The following PTPRM variants were observed in gnomAD, a reference collection of about 807,000 sequenced individuals.
PTPRM encodes receptor-type tyrosine-protein phosphatase mu.
PTPRM carries 47 observed loss-of-function variants against 186.7 expected under a neutral mutation model. The ratio of observed to expected loss-of-function variants is 0.25; its 90% CI spans 0.20 to 0.32. PTPRM has a LOEUF of 0.32. Ranked by LOEUF, PTPRM falls within the 10% of genes least tolerant of loss-of-function variation. PTPRM has a pLI of 1.00. For missense variants in PTPRM, 1,494 were observed against 1,865.0 expected (o/e 0.80, Z 3.66); for synonymous variants, 668 against 674.9 (o/e 0.99, Z 0.16).
chr18:8,211,377 CTTTTTTTTTTTT>C (rs970926126), intron 14 of PTPRM, among the ~76,000 whole-genome samples: 8 of 87,232 alleles, frequency 9.2e-5, no homozygotes, highest in Non-Finnish European at 1.5e-4. Context: ...GTCTCTTCTT[CTTTTTTTTTTTT>C]TTTTTTTTTT....
intron 2 of PTPRM, among the ~76,000 whole-genome samples, chr18:7,785,096 T>C (rs530323945): frequency 9.2e-5 from 14 of 152,266 alleles, no homozygotes; most frequent in African/African-American, 3.4e-4. Flanking sequence ...GGAAACTGCA[T>C]GTAGTTCTAG....
chr18:8,339,444 C>T (rs929003129), intron 22 of PTPRM, among the ~76,000 whole-genome samples: 5 of 152,142 alleles, frequency 3.3e-5, no homozygotes, highest in South Asian at 2.1e-4. Context: ...AGTGGCTCCC[C>T]CCCAGCCAGA....
chr18:8,376,566 G>A lies in PTPRM; in HGVS notation c.3431G>A (p.Arg1144Gln), dbSNP rs2095696567. Residue 1144 changes from arginine (R) to glutamine (Q), a missense_variant, in exon 26 of 33, where the codon CGG becomes CAG. By Grantham distance (43) the Arg-to-Gln change is conservative (BLOSUM62 1). This residue lies in a region of PTPRM where 1,107 missense variants were observed against 1,350.2 expected (regional missense o/e 0.82). Transcript: ENST00000580170. ...VDIYNCVREL[R>Q]SRRVNMVQTE... ...ATCTACAACTGCGTCAGGGAGCTGC[G>A]GTCACGGAGGGTGAACATGGTGCAA... 9 of 1,613,616 alleles carry A rather than the reference G, an allele frequency of 5.6e-6. No individual in the cohort carries two copies. Among genetic ancestry groups the A allele is most frequent in the South Asian group, 1.1e-5 (1 of 91,066 alleles).
At chr18:8,373,168 T>C (rs947231413) in intron 24 of PTPRM, among the ~76,000 whole-genome samples, 2 of 152,350 alleles carry the variant, frequency 1.3e-5, no homozygotes, top group African/African-American at 4.8e-5. Flanking sequence ...ATTAGTACTT[T>C]TGTAGAGCAT....
intron 5 of PTPRM, among the ~76,000 whole-genome samples, chr18:7,932,579 A>G (rs977922929): frequency 1.3e-5 from 2 of 152,152 alleles, no homozygotes; most frequent in African/African-American, 4.8e-5. Context: ...TTACAAATGC[A>G]TGAATTTTTT....
At chr18:7,772,522 T>C (rs2042377897) in intron 1 of PTPRM, among the ~76,000 whole-genome samples, 3 of 141,304 alleles carry the variant, frequency 2.1e-5, no homozygotes, top group African/African-American at 7.8e-5. Context: ...TTCTATTTTT[T>C]CACAGGCTAG....
At chr18:7,983,565 G>T (rs1599857354) in intron 7 of PTPRM, among the ~76,000 whole-genome samples, 1 of 152,098 alleles carries the variant, frequency 6.6e-6, no homozygotes, top group African/African-American at 2.4e-5. Context: ...ATCATTCTGT[G>T]TAAGACCTAA....
chr18:8,006,733 CCA>C (rs2084210088), intron 7 of PTPRM, among the ~76,000 whole-genome samples: 1 of 152,184 alleles, frequency 6.6e-6, no homozygotes, highest in Non-Finnish European at 1.5e-5. Context: ...CCAAACACTG[CCA>C]CAGTTCTTTG....
chr18:8,036,864 CT>C (rs1568227281), intron 7 of PTPRM, among the ~76,000 whole-genome samples: 2 of 152,130 alleles, frequency 1.3e-5, no homozygotes, highest in African/African-American at 4.8e-5. Flanking sequence ...TTATTTACAA[CT>C]GATGATGTAA....
chr18:7,596,459 A>AG (rs1243023046), intron 1 of PTPRM, among the ~76,000 whole-genome samples: 1 of 152,212 alleles, frequency 6.6e-6, no homozygotes, highest in African/African-American at 2.4e-5. Context: ...CACAAGATGC[A>AG]GGGTGAGTAC....
At chr18:8,036,655 T>C (rs2086351164) in intron 7 of PTPRM, among the ~76,000 whole-genome samples, 1 of 152,186 alleles carries the variant, frequency 6.6e-6, no homozygotes. Flanking sequence ...TCAGAGATGT[T>C]GTTAACCATG....
chr18:7,903,691 T>C (rs1408483361), intron 3 of PTPRM, among the ~76,000 whole-genome samples: 1 of 152,184 alleles, frequency 6.6e-6, no homozygotes, highest in African/African-American at 2.4e-5. Context: ...TCATTTCTGG[T>C]TTTCTGTTGT....
chr18:7,864,410 C>T (rs2047563713), intron 2 of PTPRM, among the ~76,000 whole-genome samples: 1 of 152,210 alleles, frequency 6.6e-6, no homozygotes, highest in African/African-American at 2.4e-5. Context: ...CAGTTTTCTG[C>T]ATATGGCTGG....
At chr18:7,790,495 C>T (rs2043288280) in intron 2 of PTPRM, among the ~76,000 whole-genome samples, 1 of 152,156 alleles carries the variant, frequency 6.6e-6, no homozygotes, top group African/African-American at 2.4e-5. Flanking sequence ...GCTTGTGGCT[C>T]TGCATACCCA....
chr18:7,715,675 C>A (rs1018524369), intron 1 of PTPRM, among the ~76,000 whole-genome samples: 1 of 152,186 alleles, frequency 6.6e-6, no homozygotes, highest in East Asian at 1.9e-4. Context: ...GATACAAAAT[C>A]AATGTGCAAA....
intron 1 of PTPRM, among the ~76,000 whole-genome samples, chr18:7,661,694 A>T (rs1598323226): frequency 6.6e-6 from 1 of 152,130 alleles, no homozygotes; most frequent in Non-Finnish European, 1.5e-5. Flanking sequence ...CAAACATGCA[A>T]CTCCTGCCAC....
At chr18:7,885,998 A>G (rs2048764703) in intron 2 of PTPRM, among the ~76,000 whole-genome samples, 1 of 152,172 alleles carries the variant, frequency 6.6e-6, no homozygotes, top group Non-Finnish European at 1.5e-5. Context: ...CGTGCTTTCC[A>G]CCCATGCTTG....
At chr18:7,974,751 G>A (rs141812407) in intron 7 of PTPRM, among the ~76,000 whole-genome samples, 189 of 152,334 alleles carry the variant, frequency 1.2e-3, no homozygotes, top group African/African-American at 4.5e-3. Context: ...AACGGGCAGA[G>A]AAGAATAGTT....
At chr18:7,735,189 G>A (rs1295708143) in intron 1 of PTPRM, among the ~76,000 whole-genome samples, 1 of 152,196 alleles carries the variant, frequency 6.6e-6, no homozygotes, top group Non-Finnish European at 1.5e-5. Context: ...GGCTGAGGCA[G>A]GCAGATCACT....
Sources: allele counts gnomAD v4.1 joint callset (sites outside exome capture counted in the v4.1 genomes callset), GRCh38; gene constraint gnomAD v4.1.1; regional missense constraint gnomAD v4.1.1; transcripts MANE v1.5; gene names NCBI Gene and HGNC (gene_info 2026-07-23, HGNC 2026-07-21).